The following A2M variants were observed in gnomAD, a reference collection of about 807,000 sequenced individuals.
A2M encodes alpha-2-macroglobulin.
A2M carries 128 observed loss-of-function variants against 183.9 expected under a neutral mutation model. The observed-to-expected ratio is 0.70, with a 90% CI of 0.60 to 0.81. The LOEUF (loss-of-function observed/expected upper bound fraction) is 0.81. Among genes scored for constraint, A2M ranks in the 30% least tolerant of loss-of-function variants. A2M has a pLI of 0.00. For synonymous variants in A2M, 592 were observed against 670.8 expected, an observed-to-expected ratio of 0.88 and a Z score of 1.81; for missense variants, 1,495 against 1,787.6, an observed-to-expected ratio of 0.84 and a Z score of 2.95.
intron 22 of A2M, among the ~76,000 whole-genome samples, chr12:9,088,196 G>A (rs772576476): frequency 2.7e-5 from 4 of 150,906 alleles, no homozygotes; most frequent in African/African-American, 9.7e-5. Flanking sequence ...AAGATAAATG[G>A]ATGGCAAAGT....
At chr12:9,070,696 T>C in intron 31 of A2M, 118 bp from the exon 32 acceptor site, 1 of 682,350 alleles carries the variant, frequency 1.5e-6, no homozygotes, top group African/African-American at 1.8e-5. Flanking sequence ...TTCCCAAATA[T>C]CTTATCCCAG....
chr12:9,069,476 T>G (rs565522784), intron 33 of A2M, among the ~76,000 whole-genome samples: 233 of 152,312 alleles, frequency 1.5e-3, no homozygotes, highest in Middle Eastern at 3.4e-3. Flanking sequence ...CCAAAAAACT[T>G]GTCAACATAA....
In A2M at chr12:9,071,435, T is replaced by A. The variant is rs569213366; in HGVS notation, c.4104-857A>T. Among the ~76,000 whole-genome samples the A allele has an allele frequency of 5.1e-3, 769 of 152,074 alleles. 4 individuals carry two copies. Among genetic ancestry groups the A allele is most frequent in the Non-Finnish European group, 7.0e-3 (475 of 67,988 alleles). On this transcript the variant is annotated intron_variant, in intron 31 of 35. Transcript: ENST00000318602. Reference sequence around the variant, plus strand: ...TACACCAAATTAAATGAAAAAAATATATATATATATACTTAACTTTTAGGT... The same window carrying A: ...TACACCAAATTAAATGAAAAAAATAAATATATATATACTTAACTTTTAGGT...
chr12:9,072,329 G>C (rs371643174), intron 31 of A2M, 30 bp downstream of exon 31: 1 of 1,611,094 alleles, frequency 6.2e-7, no homozygotes, highest in Non-Finnish European at 8.5e-7. Context: ...GTTATTCTTA[G>C]GATTAGGTGA....
rs1188401593 is a variant in A2M, at chr12:9,079,768, T to C, written c.2902A>G (p.Met968Val). 2.5e-6 allele frequency: 4 copies of C among 1,612,656 alleles called. No homozygotes were observed. Among genetic ancestry groups the C allele is most frequent in the Non-Finnish European group, 3.4e-6 (4 of 1,179,494 alleles). ...TTCTGCTCTCCACAGCCATAGGGCATCTGGAGAAGATTTTGTGTGTTTTGC... is the reference window on the plus strand; with the variant it reads ...TTCTGCTCTCCACAGCCATAGGGCACCTGGAGAAGATTTTGTGTGTTTTGC... ...AMQNTQNLLQ[M>V]PYGCGEQNMV... Residue 968 changes from methionine to valine, a missense_variant, in exon 24 of 36, where the codon ATG becomes GTG. Physicochemically the swap from Met to Val is conservative, Grantham distance 21. Coordinates refer to ENST00000318602, the MANE Select transcript of A2M (RefSeq NM_000014.6).
At chr12:9,108,317 G>A (rs776430288) in intron 7 of A2M, among the ~76,000 whole-genome samples, 6 of 152,000 alleles carry the variant, frequency 3.9e-5, no homozygotes, top group East Asian at 1.9e-4. Flanking sequence ...TAGTAGAGAC[G>A]GGGTTTCACC....
chr12:9,109,551 C>T, intron 6 of A2M, 146 bp from the exon 7 acceptor site: 5 of 665,450 alleles, frequency 7.5e-6, no homozygotes, highest in African/African-American at 1.8e-5. Context: ...TATCTATCCT[C>T]CTCTCAAATG....
At chr12:9,092,349 A>T (rs1276931175) in intron 18 of A2M, among the ~76,000 whole-genome samples, 1 of 152,162 alleles carries the variant, frequency 6.6e-6, no homozygotes, top group Non-Finnish European at 1.5e-5. Context: ...GAGTCTCCCT[A>T]GACCACAGTG....
At chr12:9,093,919 C>CAACA (rs1565592242) in intron 17 of A2M, among the ~76,000 whole-genome samples, 70 of 146,052 alleles carry the variant, frequency 4.8e-4, no homozygotes, top group Admixed American at 6.7e-4. Flanking sequence ...AAACAAACAA[C>CAACA]AAAAAAAAAC....
intron 23 of A2M, 122 bp from the exon 24 acceptor site, chr12:9,079,937 G>C: frequency 1.9e-6 from 2 of 1,066,844 alleles, no homozygotes; most frequent in Non-Finnish European, 2.6e-6. Context: ...GATTCTTCCA[G>C]GGATAGAAGT....
intron 29 of A2M, among the ~76,000 whole-genome samples, chr12:9,074,087 TAAAAA>T (rs3080599): frequency 0.04 from 5,198 of 131,558 alleles, 298 homozygotes; most frequent in African/African-American, 0.13. Flanking sequence ...GACTCTGTCT[TAAAAA>T]AAAAAAAAAA....
chr12:9,107,628 G>A lies in A2M; in HGVS notation c.775C>T (p.Pro259Ser), dbSNP rs372036246. The A allele has an allele frequency of 3.7e-6, 6 of 1,613,798 alleles. No homozygotes were observed. The African/African-American group carries it at 6.7e-5, about 18-fold the overall frequency. The change falls in exon 8 of 36, where the codon CCT becomes TCT. Residue 259 changes from proline (P) to serine (S), a missense_variant. Physicochemically the swap from Pro to Ser is moderately conservative, Grantham distance 74. Coordinates refer to ENST00000318602, the MANE Select transcript of A2M (RefSeq NM_000014.6). ...SVCGLYTYGK[P>S]VPGHVTVSIC... ...CTCACAGTCACATGTCCAGGGACAGGCTTCCCATATGTGTATCTGTCATGA... is the reference window on the plus strand; with the variant it reads ...CTCACAGTCACATGTCCAGGGACAGACTTCCCATATGTGTATCTGTCATGA...
chr12:9,072,560 C>G lies in A2M; in HGVS notation c.3976-74G>C, dbSNP rs759908343. Reference sequence around the variant, plus strand: ...CCTGTCCACGTCCCTAACCCTTTCTCTGATCTGTCCCATTGTTTTCTGAGT... The same window carrying G: ...CCTGTCCACGTCCCTAACCCTTTCTGTGATCTGTCCCATTGTTTTCTGAGT... On this transcript the variant is annotated intron_variant, in intron 30 of 35. Transcript: ENST00000318602. 7 of 1,598,814 alleles carry G rather than the reference C, an allele frequency of 4.4e-6. No homozygotes were observed. In the South Asian group the frequency reaches 6.8e-5, roughly 15 times the overall value.
chr12:9,083,122 C>A (rs770295381), intron 22 of A2M, among the ~76,000 whole-genome samples: 44 of 152,260 alleles, frequency 2.9e-4, no homozygotes, highest in African/African-American at 9.9e-4. Flanking sequence ...CCATCATTCT[C>A]AGCAAACTAT....
rs1239411072 is a variant in A2M, at chr12:9,090,005, A to C, written c.2615T>G (p.Val872Gly). 1 of 1,594,724 alleles carries C rather than the reference A, an allele frequency of 6.3e-7. No individual in the cohort carries two copies. ...PKSLGNVNFT[V>G]SAEALESQEL... is the part of the protein sequence containing the mutation. ...TTGAGACTCTAGTGCCTCTGCGCTCACAGTGAAATTCACATTTCCTGAAAA... is the reference window on the plus strand; with the variant it reads ...TTGAGACTCTAGTGCCTCTGCGCTCCCAGTGAAATTCACATTTCCTGAAAA... Residue 872 changes from valine to glycine, a missense_variant, in exon 21 of 36, where the codon GTG (valine) becomes GGG (glycine). Physicochemically the swap from Val to Gly is moderately radical, Grantham distance 109. Coordinates refer to ENST00000318602, the MANE Select transcript of A2M (RefSeq NM_000014.6).
chr12:9,090,138 A>T, intron 20 of A2M, 115 bp from the exon 21 acceptor site: 1 of 1,461,900 alleles, frequency 6.8e-7, no homozygotes, highest in South Asian at 1.4e-5. Flanking sequence ...AAAACACAGA[A>T]GCAGGAACGG....
In A2M at chr12:9,072,705, A is replaced by G. The variant is rs1318969800; in HGVS notation, c.3923T>C (p.Leu1308Pro). The G allele has an allele frequency of 6.2e-7, 1 of 1,614,174 alleles. No individual in the cohort carries two copies. The highest frequency in any genetic ancestry group is 1.7e-5 in the Admixed American group (1 of 60,020). ...CACTTTCATGCTGTATTCCCCAGGC[A>G]GCTCTGGCAATGAGACCTGCTGCAG... ...LLLQQVSLPE[L>P]PGEYSMKVTG... The change falls in exon 30 of 36, where the codon CTG becomes CCG. Residue 1308 changes from leucine (L) to proline (P), a missense_variant. Physicochemically the swap from Leu to Pro is moderately conservative, Grantham distance 98. Coordinates refer to ENST00000318602, the MANE Select transcript of A2M (RefSeq NM_000014.6).
intron 13 of A2M, 89 bp downstream of exon 13, chr12:9,101,055 A>G (rs1463917885): frequency 2.4e-6 from 3 of 1,271,860 alleles, no homozygotes; most frequent in African/African-American, 3.0e-5. Flanking sequence ...AACCTATGGA[A>G]AAAAAGGGAA....
chr12:9,103,988 A>G (rs957734022), intron 11 of A2M, among the ~76,000 whole-genome samples: 5 of 152,176 alleles, frequency 3.3e-5, no homozygotes, highest in African/African-American at 1.2e-4. Context: ...AGGAACTACT[A>G]TACTGTTTTT....
Sources: gnomAD v4.1 joint callset for allele counts (sites outside exome capture counted in the v4.1 genomes callset) on GRCh38, gnomAD v4.1.1 for gene constraint, MANE v1.5 for transcripts, NCBI Gene and HGNC (gene_info 2026-07-23, HGNC 2026-07-21) for gene names.